EPHA3: variants seen among roughly 807,000 people sequenced by gnomAD.
The protein encoded by EPHA3 is ephrin type-A receptor 3.
Under a neutral mutation model 107.1 loss-of-function variants are expected in EPHA3, and 42 were observed. The observed-to-expected ratio is 0.39, with a 90% CI of 0.31 to 0.51. EPHA3 has a LOEUF of 0.51. EPHA3 is among the 20% of genes least tolerant of loss of function. The pLI is 0.78. For missense variants in EPHA3, 1,183 were observed against 1,211.2 expected (o/e 0.98, Z 0.35); for synonymous variants, 461 against 424.8 (o/e 1.09, Z -1.05).
At chr3:89,392,649 A>T (rs1708768870) in intron 5 of EPHA3, among the ~76,000 whole-genome samples, 1 of 152,162 alleles carries the variant, frequency 6.6e-6, no homozygotes, top group Admixed American at 6.5e-5. Context: ...TGCAAATTTA[A>T]AAAACAGAAG....
chr3:89,360,473 T>G (rs1342699567), intron 5 of EPHA3, among the ~76,000 whole-genome samples: 3 of 151,020 alleles, frequency 2.0e-5, no homozygotes, highest in African/African-American at 4.8e-5. Context: ...TAACTGCAAC[T>G]CTATGCTTTT....
intron 1 of EPHA3, among the ~76,000 whole-genome samples, chr3:89,112,035 A>C (rs2106941136): frequency 6.6e-6 from 1 of 152,144 alleles, no homozygotes; most frequent in Non-Finnish European, 1.5e-5. Flanking sequence ...TAAGGTTAAA[A>C]GTTAGTTGGA....
intron 5 of EPHA3, among the ~76,000 whole-genome samples, chr3:89,366,247 G>A (rs1708182258): frequency 6.6e-6 from 1 of 150,522 alleles, no homozygotes; most frequent in East Asian, 1.9e-4. Flanking sequence ...AACCAACTCA[G>A]CATCAACAAT....
At chr3:89,247,183 A>G (rs1281971403) in intron 3 of EPHA3, among the ~76,000 whole-genome samples, 1 of 152,214 alleles carries the variant, frequency 6.6e-6, no homozygotes, top group Admixed American at 6.5e-5. Context: ...AATAAAGTAA[A>G]TCATTTCAGG....
chr3:89,214,997 G>T (rs1008256056), intron 3 of EPHA3, among the ~76,000 whole-genome samples: 1 of 151,880 alleles, frequency 6.6e-6, no homozygotes, highest in Admixed American at 6.6e-5. Context: ...GACGAGTTTA[G>T]TTAGTTGGAA....
intron 2 of EPHA3, among the ~76,000 whole-genome samples, chr3:89,154,411 GA>G (rs1704753791): frequency 6.6e-6 from 1 of 151,348 alleles, no homozygotes; most frequent in African/African-American, 2.4e-5. Context: ...TTTTTTTTCA[GA>G]AAAAGTTATG....
intron 3 of EPHA3, among the ~76,000 whole-genome samples, chr3:89,280,014 C>A: frequency 6.8e-6 from 1 of 146,584 alleles, no homozygotes; most frequent in Non-Finnish European, 1.5e-5. Context: ...TTCAACAATT[C>A]TTGTGTGCAC....
At chr3:89,424,951 T>C (rs1159130198) in intron 11 of EPHA3, among the ~76,000 whole-genome samples, 2 of 151,576 alleles carry the variant, frequency 1.3e-5, no homozygotes, top group African/African-American at 4.8e-5. Context: ...TAAGGAAGTC[T>C]TGGAGAAAGT....
intron 16 of EPHA3, among the ~76,000 whole-genome samples, chr3:89,474,137 A>G (rs1175833215): frequency 6.6e-6 from 1 of 152,212 alleles, no homozygotes; most frequent in African/African-American, 2.4e-5. Flanking sequence ...ATTAATAGAT[A>G]TAAGTGCCCA....
At chr3:89,348,244 C>T (rs1707720626) in intron 5 of EPHA3, among the ~76,000 whole-genome samples, 3 of 132,484 alleles carry the variant, frequency 2.3e-5, no homozygotes, top group African/African-American at 8.5e-5. Flanking sequence ...CCATCTGGTC[C>T]TGGACTCTTT....
intron 5 of EPHA3, among the ~76,000 whole-genome samples, chr3:89,371,181 CCA>C (rs1223466668): frequency 2.0e-5 from 3 of 151,416 alleles, no homozygotes; most frequent in African/African-American, 7.3e-5. Flanking sequence ...TGTTTTCATT[CCA>C]GTGATTATTT....
At chr3:89,185,218 T>G (rs1433017046) in intron 2 of EPHA3, among the ~76,000 whole-genome samples, 1 of 152,018 alleles carries the variant, frequency 6.6e-6, no homozygotes, top group African/African-American at 2.4e-5. Flanking sequence ...CTAGCTTTTC[T>G]CCTTGTCAAA....
At chr3:89,221,830 T>G (rs1704383869) in intron 3 of EPHA3, among the ~76,000 whole-genome samples, 2 of 152,136 alleles carry the variant, frequency 1.3e-5, no homozygotes, top group Admixed American at 6.5e-5. Context: ...TCATCTGAAA[T>G]GCTTCTGCAA....
intron 3 of EPHA3, among the ~76,000 whole-genome samples, chr3:89,280,531 A>G (rs1463694169): frequency 2.0e-5 from 3 of 152,178 alleles, no homozygotes; most frequent in Non-Finnish European, 4.4e-5. Flanking sequence ...TGAGTGAACT[A>G]TTCTGGAGGG....
intron 3 of EPHA3, among the ~76,000 whole-genome samples, chr3:89,305,364 A>T (rs1473178295): frequency 6.6e-6 from 1 of 152,190 alleles, no homozygotes. Context: ...TGTTAGCAAA[A>T]TACAGAATTG....
intron 6 of EPHA3, among the ~76,000 whole-genome samples, chr3:89,397,663 C>T (rs1708878479): frequency 6.6e-6 from 1 of 151,500 alleles, no homozygotes; most frequent in Non-Finnish European, 1.5e-5. Context: ...GGCTCACCGC[C>T]ACCTCCGCCT....
chr3:89,453,133 G>A (rs1407968309), intron 15 of EPHA3, among the ~76,000 whole-genome samples: 3 of 152,092 alleles, frequency 2.0e-5, no homozygotes, highest in East Asian at 1.9e-4. Flanking sequence ...TAACAAACCT[G>A]TCCTTTCCTG....
intron 2 of EPHA3, among the ~76,000 whole-genome samples, chr3:89,133,682 GT>G (rs1180635365): frequency 6.6e-6 from 1 of 152,138 alleles, no homozygotes; most frequent in Non-Finnish European, 1.5e-5. Context: ...ATTGGGCATT[GT>G]CGTGGACAAG....
At chr3:89,394,576 G>C (rs570555988) in intron 5 of EPHA3, among the ~76,000 whole-genome samples, 74 of 152,130 alleles carry the variant, frequency 4.9e-4, no homozygotes, top group Non-Finnish European at 8.5e-4. Context: ...CATCATGAAA[G>C]TTTCTATTAT....
Sources: allele counts gnomAD v4.1 joint callset (sites outside exome capture counted in the v4.1 genomes callset), GRCh38; gene constraint gnomAD v4.1.1; transcripts MANE v1.5; gene names NCBI Gene and HGNC (gene_info 2026-07-23, HGNC 2026-07-21).